Variants in CRADD observed in about 807,000 individuals in gnomAD.
The protein encoded by CRADD is death domain-containing protein CRADD.
In CRADD, 9 loss-of-function variants were observed where a neutral mutation model predicts 15.5. That is an observed-to-expected ratio of 0.58 (90% confidence interval 0.35 to 1.01). The LOEUF (loss-of-function observed/expected upper bound fraction) is 1.01, where lower values mean the gene tolerates loss of function less well. Ranked by LOEUF, CRADD falls within the 50% of genes least tolerant of loss-of-function variation. The probability of loss-of-function intolerance (pLI) is 0.02; values close to 1 mark genes in which losing one functional copy is unlikely to be tolerated. For synonymous variants in CRADD, 118 were observed against 107.6 expected (o/e 1.10, Z -0.60); for missense variants, 227 against 250.3 (o/e 0.91, Z 0.63).
chr12:93,778,719 G>GTGGGTGTTTTTTT, intron 2 of CRADD, among the ~76,000 whole-genome samples: 1 of 144,560 alleles, frequency 6.9e-6, no homozygotes, highest in Non-Finnish European at 1.5e-5. Flanking sequence ...TTTTTTTTTG[G>GTGGGTGTTTTTTT]TTGGTTTTTT....
At chr12:93,878,137 C>T (rs1429455971) in intron 2 of CRADD, among the ~76,000 whole-genome samples, 2 of 152,168 alleles carry the variant, frequency 1.3e-5, no homozygotes, top group Admixed American at 6.5e-5. Flanking sequence ...GGGAAGAGAA[C>T]AAGAGTCTCT....
At chr12:93,725,152 G>T (rs773490815) in intron 2 of CRADD, among the ~76,000 whole-genome samples, 1 of 152,072 alleles carries the variant, frequency 6.6e-6, no homozygotes, top group East Asian at 1.9e-4. Context: ...GAGCCACCAC[G>T]CCCGGCCCAG....
At chr12:93,784,486 T>C (rs1045157118) in intron 2 of CRADD, among the ~76,000 whole-genome samples, 2 of 152,082 alleles carry the variant, frequency 1.3e-5, no homozygotes, top group African/African-American at 4.8e-5. Context: ...GCCTTTCCTC[T>C]TCTAACCACT....
At chr12:93,705,032 A>G (rs1326251309) in intron 2 of CRADD, among the ~76,000 whole-genome samples, 1 of 152,194 alleles carries the variant, frequency 6.6e-6, no homozygotes, top group Non-Finnish European at 1.5e-5. Flanking sequence ...TGTTTCTTGC[A>G]CAGCATTTAA....
intron 2 of CRADD, among the ~76,000 whole-genome samples, chr12:93,874,190 G>T (rs180936652): frequency 6.6e-6 from 1 of 152,018 alleles, no homozygotes; most frequent in African/African-American, 2.4e-5. Flanking sequence ...TATTTTTCTA[G>T]GAATTTGTCC....
chr12:93,717,550 C>T (rs190694502), intron 2 of CRADD, among the ~76,000 whole-genome samples: 13 of 152,112 alleles, frequency 8.5e-5, no homozygotes, highest in African/African-American at 1.4e-4. Context: ...TTTAGAGTTT[C>T]GCTCTGTTGC....
At chr12:93,801,999 C>T (rs1312248891) in intron 2 of CRADD, among the ~76,000 whole-genome samples, 6 of 152,186 alleles carry the variant, frequency 3.9e-5, no homozygotes, top group African/African-American at 1.4e-4. Context: ...CCAGCTCCAT[C>T]CAAGTTGCCA....
intron 2 of CRADD, among the ~76,000 whole-genome samples, chr12:93,833,699 GA>G (rs1244224408): frequency 6.6e-6 from 1 of 152,012 alleles, no homozygotes; most frequent in African/African-American, 2.4e-5. Context: ...TTTAACTGGA[GA>G]AAACTAAGTG....
At chr12:93,820,341 A>G (rs1393632510) in intron 2 of CRADD, among the ~76,000 whole-genome samples, 1 of 151,974 alleles carries the variant, frequency 6.6e-6, no homozygotes, top group African/African-American at 2.4e-5. Context: ...GGAGATAGAG[A>G]CCATCCTGGC....
At chr12:93,826,519 C>G (rs1168683159) in intron 2 of CRADD, among the ~76,000 whole-genome samples, 2 of 152,216 alleles carry the variant, frequency 1.3e-5, no homozygotes, top group African/African-American at 4.8e-5. Flanking sequence ...ATTTTCAAAG[C>G]TATATCCTCT....
intron 2 of CRADD, among the ~76,000 whole-genome samples, chr12:93,839,813 A>G (rs1453148450): frequency 6.6e-6 from 1 of 152,134 alleles, no homozygotes; most frequent in African/African-American, 2.4e-5. Flanking sequence ...CAGCCTAGAT[A>G]GTGTTTCCCT....
At chr12:93,791,856 C>A in intron 2 of CRADD, among the ~76,000 whole-genome samples, 1 of 146,978 alleles carries the variant, frequency 6.8e-6, no homozygotes, top group African/African-American at 2.5e-5. Context: ...TATATTGTTT[C>A]AAAATAGAGG....
At chr12:93,738,291 CT>C (rs1956614280) in intron 2 of CRADD, 1 of 687,286 alleles carries the variant, frequency 1.5e-6, no homozygotes, top group African/African-American at 1.8e-5. Flanking sequence ...GGATGAGGAC[CT>C]GAAGGAGGCC....
intron 2 of CRADD, chr12:93,815,557 A>G (rs984364819): frequency 6.6e-6 from 1 of 152,228 alleles, no homozygotes; most frequent in African/African-American, 2.4e-5. Context: ...TGGGCAGGTT[A>G]TATGATCTAT....
intron 2 of CRADD, among the ~76,000 whole-genome samples, chr12:93,713,597 T>C (rs1020674080): frequency 2.6e-5 from 4 of 152,226 alleles, no homozygotes; most frequent in African/African-American, 7.2e-5. Flanking sequence ...AAATAGTTGT[T>C]ATATTGTTTG....
chr12:93,856,897 T>A (rs1366355767), intron 2 of CRADD, among the ~76,000 whole-genome samples: 1 of 152,218 alleles, frequency 6.6e-6, no homozygotes, highest in East Asian at 1.9e-4. Context: ...GGGAAGTTTT[T>A]AAATGTAATA....
At chr12:93,768,881 A>ATGT in intron 2 of CRADD, among the ~76,000 whole-genome samples, 1 of 152,132 alleles carries the variant, frequency 6.6e-6, no homozygotes, top group Admixed American at 6.5e-5. Flanking sequence ...TAACATTATA[A>ATGT]TGTTTGTTTT....
At position 93,720,795 on chromosome 12, in the gene CRADD, G is replaced by A. The variant is rs537471795; in HGVS notation, c.298+41723G>A. 5.3e-5 allele frequency among the ~76,000 whole-genome samples: 8 copies of A among 152,242 alleles called. No individual in the cohort carries two copies. The South Asian group carries it at 1.7e-3, about 32-fold the overall frequency. ...TCTCCAACCATTTAAATCTACATATGTCTTTATATTTAAAGTGGACTTTTT... is the reference window on the plus strand; with the variant it reads ...TCTCCAACCATTTAAATCTACATATATCTTTATATTTAAAGTGGACTTTTT... On this transcript the variant is annotated intron_variant, in intron 2 of 2. Transcript: ENST00000332896.
chr12:93,766,156 C>T (rs769665817), intron 2 of CRADD, among the ~76,000 whole-genome samples: 3 of 152,134 alleles, frequency 2.0e-5, no homozygotes, highest in African/African-American at 4.8e-5. Context: ...TACTTGTCAT[C>T]GTTCATCCTC....
Sources: gnomAD v4.1 joint callset for allele counts (sites outside exome capture counted in the v4.1 genomes callset) on GRCh38, gnomAD v4.1.1 for gene constraint, MANE v1.5 for transcripts, NCBI Gene and HGNC (gene_info 2026-07-23, HGNC 2026-07-21) for gene names.